Variants in INPP4B observed in about 807,000 individuals in gnomAD.
The protein encoded by INPP4B is inositol polyphosphate 4-phosphatase type II.
A neutral mutation model predicts 122.5 loss-of-function variants in INPP4B; 55 were observed. That is an observed-to-expected ratio of 0.45 (90% CI 0.36 to 0.56). INPP4B has a LOEUF of 0.56. INPP4B is among the 20% of genes least tolerant of loss of function. INPP4B has a pLI of 0.00. For synonymous variants in INPP4B, 403 were observed against 388.7 expected, an observed-to-expected ratio of 1.04 and a Z score of -0.43; for missense variants, 1,000 against 1,097.7, an observed-to-expected ratio of 0.91 and a Z score of 1.26.
At chr4:142,673,089 T>G (rs1757230420) in intron 2 of INPP4B, among the ~76,000 whole-genome samples, 1 of 152,166 alleles carries the variant, frequency 6.6e-6, no homozygotes, top group African/African-American at 2.4e-5. Context: ...TCTAGCCACT[T>G]ATATACCTGT....
intron 2 of INPP4B, among the ~76,000 whole-genome samples, chr4:142,683,552 A>C (rs1453993642): frequency 6.6e-6 from 1 of 151,312 alleles, no homozygotes; most frequent in Non-Finnish European, 1.5e-5. Flanking sequence ...CATTCCCAAG[A>C]GTTGGTAGTC....
intron 3 of INPP4B, among the ~76,000 whole-genome samples, chr4:142,451,824 T>G (rs769309889): frequency 3.9e-4 from 60 of 152,268 alleles, no homozygotes; most frequent in Non-Finnish European, 7.1e-4. Flanking sequence ...TTTGGTTCAT[T>G]GTAAATCAGA....
chr4:142,182,508 G>A (rs1049176371), intron 15 of INPP4B, among the ~76,000 whole-genome samples: 5 of 130,720 alleles, frequency 3.8e-5, no homozygotes, highest in Non-Finnish European at 7.6e-5. Flanking sequence ...AGATCACGCC[G>A]CTGCACTCCA....
intron 12 of INPP4B, among the ~76,000 whole-genome samples, chr4:142,216,276 A>G (rs1449494415): frequency 6.6e-6 from 1 of 152,202 alleles, no homozygotes; most frequent in Non-Finnish European, 1.5e-5. Flanking sequence ...AGCTTCTCCC[A>G]GTTCTCCAAG....
chr4:142,305,112 A>T (rs1054537158), intron 9 of INPP4B, among the ~76,000 whole-genome samples: 2 of 152,194 alleles, frequency 1.3e-5, no homozygotes, highest in African/African-American at 2.4e-5. Context: ...CTGGAAAGTT[A>T]TTTGATTAAA....
At chr4:142,191,016 G>GA (rs149920535) in intron 15 of INPP4B, among the ~76,000 whole-genome samples, 1 of 151,002 alleles carries the variant, frequency 6.6e-6, no homozygotes, top group East Asian at 1.9e-4. Context: ...TTTAATTGAG[G>GA]AAAAAAAATA....
intron 3 of INPP4B, among the ~76,000 whole-genome samples, chr4:142,450,983 C>G (rs1051675179): frequency 3.3e-5 from 5 of 150,048 alleles, no homozygotes; most frequent in Admixed American, 6.7e-5. Flanking sequence ...ACTCCCCCCC[C>G]CAAAAAAAGT....
At chr4:142,704,290 T>C (rs1311621486) in intron 2 of INPP4B, among the ~76,000 whole-genome samples, 1 of 152,198 alleles carries the variant, frequency 6.6e-6, no homozygotes, top group Non-Finnish European at 1.5e-5. Context: ...TAGCTAATTT[T>C]CAGCAACAAA....
chr4:142,575,346 G>A (rs990606665), intron 2 of INPP4B, among the ~76,000 whole-genome samples: 1 of 152,018 alleles, frequency 6.6e-6, no homozygotes, highest in African/African-American at 2.4e-5. Flanking sequence ...TCAAACTACG[G>A]AGGATTTTGA....
At chr4:142,826,142 A>G (rs1392615027) in intron 1 of INPP4B, among the ~76,000 whole-genome samples, 2 of 152,174 alleles carry the variant, frequency 1.3e-5, no homozygotes, top group African/African-American at 4.8e-5. Flanking sequence ...TACATATATG[A>G]GAAACGGTAA....
intron 25 of INPP4B, among the ~76,000 whole-genome samples, chr4:142,038,171 A>G (rs1745137163): frequency 6.6e-6 from 1 of 152,194 alleles, no homozygotes; most frequent in Non-Finnish European, 1.5e-5. Context: ...TTAAAAGTCG[A>G]GTTTCAGGAC....
chr4:142,748,048 TCA>T (rs1230109442), intron 1 of INPP4B, among the ~76,000 whole-genome samples: 2 of 151,970 alleles, frequency 1.3e-5, no homozygotes, highest in African/African-American at 4.8e-5. Context: ...GAATGAATTT[TCA>T]CAGAGTATGT....
At chr4:142,662,736 T>C (rs1262073198) in intron 2 of INPP4B, among the ~76,000 whole-genome samples, 1 of 152,206 alleles carries the variant, frequency 6.6e-6, no homozygotes, top group Non-Finnish European at 1.5e-5. Context: ...GAAATATTCA[T>C]GTTGGACTCA....
rs887876856 is a variant in INPP4B at position 142,615,823 on chromosome 4, T to C, written c.-191+110016A>G. 1.4e-4 allele frequency among the ~76,000 whole-genome samples: 21 copies of C among 152,080 alleles called. 1 individual carries two copies. Among genetic ancestry groups the C allele is most frequent in the African/African-American group, 4.6e-4 (19 of 41,422 alleles). ...ATTTTTAGTTTACAACTTGACAGTT[T>C]AACTTTTTCGTAGGGGTTGAGAGAA... On this transcript the variant is annotated intron_variant, in intron 2 of 25. Coordinates refer to ENST00000262992, the MANE Select transcript of INPP4B (RefSeq NM_001101669.3).
intron 2 of INPP4B, among the ~76,000 whole-genome samples, chr4:142,471,940 A>G (rs1818917671): frequency 6.6e-6 from 1 of 152,190 alleles, no homozygotes; most frequent in Admixed American, 6.5e-5. Flanking sequence ...AAGATATATT[A>G]ATATGGAATA....
chr4:142,608,288 T>A (rs1202535595), intron 2 of INPP4B, among the ~76,000 whole-genome samples: 1 of 152,238 alleles, frequency 6.6e-6, no homozygotes, highest in Admixed American at 6.5e-5. Context: ...CAAAAGTCAA[T>A]AATAAAGGCA....
intron 17 of INPP4B, among the ~76,000 whole-genome samples, chr4:142,149,108 T>C (rs1009092324): frequency 6.6e-6 from 1 of 152,226 alleles, no homozygotes; most frequent in Non-Finnish European, 1.5e-5. Context: ...AAGTTATTAC[T>C]ACTTAGTAGC....
chr4:142,375,051 C>A (rs1226165449), intron 7 of INPP4B, among the ~76,000 whole-genome samples: 1 of 151,838 alleles, frequency 6.6e-6, no homozygotes, highest in Non-Finnish European at 1.5e-5. Context: ...CTTCTTTTTG[C>A]TACCCATCTT....
In INPP4B at chr4:142,172,151, A is replaced by AT. The variant is rs946313831; in HGVS notation, c.1359+1480dup. Among the ~76,000 whole-genome samples, 11 of 152,014 alleles carry AT rather than the reference A, an allele frequency of 7.2e-5. No individual in the cohort carries two copies. In the East Asian group the frequency reaches 7.7e-4, roughly 11 times the overall value. On this transcript the variant is annotated intron_variant, in intron 16 of 25. Coordinates refer to ENST00000262992, the MANE Select transcript of INPP4B (RefSeq NM_001101669.3). ...TTACTAAGGCATTTGTCTAACAAAC[A>AT]TTTTTAAAAAAAAACTTTTAAATAA...
Sources: gnomAD v4.1 joint callset for allele counts (sites outside exome capture counted in the v4.1 genomes callset) on GRCh38, gnomAD v4.1.1 for gene constraint, MANE v1.5 for transcripts, NCBI Gene and HGNC (gene_info 2026-07-23, HGNC 2026-07-21) for gene names.